PNLIPRP3: variants seen among roughly 807,000 people sequenced by gnomAD.
PNLIPRP3 encodes the protein pancreatic lipase-related protein 3.
In PNLIPRP3, 58 loss-of-function variants were observed where a neutral mutation model predicts 52.8. The observed-to-expected ratio is 1.10, with a 90% CI of 0.89 to 1.37. PNLIPRP3 has a LOEUF of 1.37. PNLIPRP3 is among the 40% of genes most tolerant of loss of function. The pLI, the probability that PNLIPRP3 is intolerant of heterozygous loss-of-function variation, is 0.00. For synonymous variants in PNLIPRP3, 192 were observed against 185.0 expected (o/e 1.04, Z -0.31); for missense variants, 593 against 561.6 (o/e 1.06, Z -0.57).
chr10:116,437,202 A>G (rs1327288886), intron 2 of PNLIPRP3, among the ~76,000 whole-genome samples: 4 of 152,228 alleles, frequency 2.6e-5, no homozygotes, highest in African/African-American at 9.6e-5. Flanking sequence ...TAAACAGAAC[A>G]GTCTTGACTT....
At position 116,477,226 on chromosome 10, in the gene PNLIPRP3, A is replaced by G; in HGVS notation, c.*73A>G. On this transcript the variant is annotated 3_prime_UTR_variant, in exon 12 of 12. Transcript: ENST00000369230. ...AAGTGTCTCCTTCCACCTGGCATCCAGACCAAATTTGACCCTTGTAAATGA... is the reference window on the plus strand; with the variant it reads ...AAGTGTCTCCTTCCACCTGGCATCCGGACCAAATTTGACCCTTGTAAATGA... 1 of 1,291,880 alleles carries G rather than the reference A, an allele frequency of 7.7e-7. No individual in the cohort carries two copies. The allele number at this position is 1,291,880 out of a possible 1,614,324, so 80.0% of individuals were successfully genotyped here.
At chr10:116,465,345 G>T (rs1846262018) in intron 7 of PNLIPRP3, among the ~76,000 whole-genome samples, 1 of 152,092 alleles carries the variant, frequency 6.6e-6, no homozygotes, top group Non-Finnish European at 1.5e-5. Flanking sequence ...GACCATCCTG[G>T]CTAACATGGT....
At chr10:116,439,489 C>T (rs1845826466) in intron 2 of PNLIPRP3, 10 of 726,774 alleles carry the variant, frequency 1.4e-5, no homozygotes, top group South Asian at 1.2e-4. Flanking sequence ...TCTTCCTCCC[C>T]GTCTTCTTCA....
chr10:116,444,526 G>T lies in PNLIPRP3; in HGVS notation c.456+13G>T, dbSNP rs760037569. 3.7e-6 allele frequency: 6 copies of T among 1,602,232 alleles called. No individual in the cohort carries two copies. Among genetic ancestry groups the T allele is most frequent in the African/African-American group, 1.4e-5 (1 of 73,924 alleles). On this transcript the variant is annotated intron_variant, in intron 4 of 11. Coordinates refer to ENST00000369230, the MANE Select transcript of PNLIPRP3 (RefSeq NM_001011709.3). Reference sequence around the variant, plus strand: ...TGATGTTCTCATGGTAAGAAGAGTTGATTTTTTTTTAATTATATTGAATTG... The same window carrying T: ...TGATGTTCTCATGGTAAGAAGAGTTTATTTTTTTTTAATTATATTGAATTG...
Position 116,427,930 on chromosome 10 carries a change from AC to A in PNLIPRP3, c.-81del, listed in dbSNP as rs1845659775. 3.8e-6 allele frequency: 4 copies of A among 1,039,648 alleles called. No homozygotes were observed. Among genetic ancestry groups the A allele is most frequent in the South Asian group, 1.3e-5 (1 of 74,726 alleles). 64.4% of individuals were successfully genotyped at this position (1,039,648 alleles called of 1,614,324 possible). On this transcript the variant is annotated 5_prime_UTR_variant, in exon 1 of 12. Coordinates refer to ENST00000369230, the MANE Select transcript of PNLIPRP3 (RefSeq NM_001011709.3). ...ATTGAGTTGCATCATTGTGAGGAAA[AC>A]CACTTAGTATTTTATAGTGAGGTGA... is the stretch of plus-strand genomic sequence containing the variant.
chr10:116,466,195 T>C, intron 8 of PNLIPRP3, 27 bp downstream of exon 8: 1 of 1,513,674 alleles, frequency 6.6e-7, no homozygotes. Context: ...ACTTGGAATT[T>C]AATTATAAAG....
At chr10:116,454,151 C>T (rs972437966) in intron 4 of PNLIPRP3, among the ~76,000 whole-genome samples, 1 of 152,044 alleles carries the variant, frequency 6.6e-6, no homozygotes, top group Non-Finnish European at 1.5e-5. Context: ...CGGAGTTTCG[C>T]TCTGTTGCCC....
chr10:116,444,623 C>A, intron 4 of PNLIPRP3, 110 bp downstream of exon 4: 1 of 1,086,444 alleles, frequency 9.2e-7, no homozygotes, highest in South Asian at 1.6e-5. Context: ...AGGTACTGAA[C>A]ATGTGAAATA....
intron 2 of PNLIPRP3, among the ~76,000 whole-genome samples, chr10:116,441,472 C>T (rs2133117960): frequency 6.6e-6 from 1 of 152,210 alleles, no homozygotes; most frequent in Admixed American, 6.5e-5. Context: ...TGAGGCGCTC[C>T]AGCTGGGCCT....
chr10:116,460,820 T>G, intron 5 of PNLIPRP3, 146 bp from the exon 6 acceptor site: 1 of 1,092,802 alleles, frequency 9.2e-7, no homozygotes, highest in Non-Finnish European at 1.3e-6. Context: ...AGACCCTACA[T>G]TTATAGATTT....
chr10:116,431,181 C>T (rs1845704898), intron 1 of PNLIPRP3, among the ~76,000 whole-genome samples: 2 of 152,196 alleles, frequency 1.3e-5, no homozygotes, highest in Non-Finnish European at 2.9e-5. Flanking sequence ...CCACCCTAGT[C>T]TTAGCCACCA....
chr10:116,441,616 C>G (rs1224272254), intron 2 of PNLIPRP3, among the ~76,000 whole-genome samples: 1 of 152,134 alleles, frequency 6.6e-6, no homozygotes, highest in African/African-American at 2.4e-5. Flanking sequence ...TTATTGCTCA[C>G]TTCAGCAAAT....
In PNLIPRP3 at chr10:116,450,954, A is replaced by T. The variant is rs529428909; in HGVS notation, c.457-4768A>T. Among the ~76,000 whole-genome samples the T allele has an allele frequency of 7.3e-4, 111 of 152,276 alleles. 2 individuals are homozygous for T. Among genetic ancestry groups the T allele is most frequent in the African/African-American group, 2.6e-3 (109 of 41,564 alleles). On this transcript the variant is annotated intron_variant, in intron 4 of 11. Transcript: ENST00000369230. ...AATAGTAAAAACAATTGTGAAATGT[A>T]TATGGAAGCACAAAGGACCCTGAAT...
intron 7 of PNLIPRP3, 55 bp downstream of exon 7, chr10:116,461,345 C>A: frequency 6.4e-7 from 1 of 1,567,896 alleles, no homozygotes; most frequent in Non-Finnish European, 8.7e-7. Flanking sequence ...TAGCTCTCTC[C>A]TTAGATGGGA....
chr10:116,447,948 G>A (rs1459394625), intron 4 of PNLIPRP3, among the ~76,000 whole-genome samples: 1 of 100,234 alleles, frequency 1.0e-5, no homozygotes, highest in Non-Finnish European at 2.1e-5. Context: ...GCAGCAGAGT[G>A]AGACTCCATC....
intron 2 of PNLIPRP3, chr10:116,439,505 C>G: frequency 1.3e-6 from 1 of 756,016 alleles, no homozygotes; most frequent in South Asian, 1.4e-5. Context: ...CTTCATCCTC[C>G]TCTTCCACTT....
intron 2 of PNLIPRP3, among the ~76,000 whole-genome samples, chr10:116,441,665 T>C (rs1429929530): frequency 6.6e-6 from 1 of 152,322 alleles, no homozygotes; most frequent in East Asian, 1.9e-4. Context: ...GAGAACACTA[T>C]AATCAGAACA....
chr10:116,444,757 G>A (rs994338264), intron 4 of PNLIPRP3, among the ~76,000 whole-genome samples: 1 of 152,176 alleles, frequency 6.6e-6, no homozygotes, highest in African/African-American at 2.4e-5. Context: ...AACTGCCCCC[G>A]CAAGGTCACT....
chr10:116,472,086 C>T (rs1000840624), intron 10 of PNLIPRP3, among the ~76,000 whole-genome samples: 1 of 151,968 alleles, frequency 6.6e-6, no homozygotes, highest in African/African-American at 2.4e-5. Flanking sequence ...CAACTAGAAA[C>T]AGAAAATGTT....
Sources: gnomAD v4.1 joint callset for allele counts (sites outside exome capture counted in the v4.1 genomes callset) on GRCh38, gnomAD v4.1.1 for gene constraint, MANE v1.5 for transcripts, NCBI Gene and HGNC (gene_info 2026-07-23, HGNC 2026-07-21) for gene names.